C3orf85: variants seen among roughly 807,000 people sequenced by gnomAD.
C3orf85 encodes chromosome 3 open reading frame 85, also known as uncharacterized protein C3orf85.
Under a neutral mutation model 1.7 loss-of-function variants are expected in C3orf85, and 1 was observed. That is an observed-to-expected ratio of 0.60 (90% CI 0.21 to 2.86). C3orf85 has a LOEUF of 2.86. Ranked by LOEUF, C3orf85 falls within the 30% of genes most tolerant of loss-of-function variation. The pLI is 0.22. For synonymous variants in C3orf85, 17 were observed against 8.0 expected (o/e 2.13, Z -1.90); for missense variants, 29 against 21.3 (o/e 1.36, Z -0.72).
chr3:109,137,346 G>C (rs1706689164), intron 2 of C3orf85, among the ~76,000 whole-genome samples: 1 of 151,984 alleles, frequency 6.6e-6, no homozygotes. Flanking sequence ...AGGCACCAGA[G>C]GCCAGGCGAT....
intron 2 of C3orf85, among the ~76,000 whole-genome samples, chr3:109,139,987 T>C (rs1217160163): frequency 6.6e-6 from 1 of 152,230 alleles, no homozygotes; most frequent in Non-Finnish European, 1.5e-5. Flanking sequence ...CCTTTCTTTT[T>C]GCTTTCTTCT....
rs1177435880 is a variant in C3orf85 at position 109,151,369 on chromosome 3, T to C, written c.*1475T>C. 6.6e-6 allele frequency among the ~76,000 whole-genome samples: 1 copy of C among 152,180 alleles called. No homozygotes were observed. Among genetic ancestry groups the C allele is most frequent in the Non-Finnish European group, 1.5e-5 (1 of 68,040 alleles). On this transcript the variant is annotated 3_prime_UTR_variant, in exon 4 of 4. Coordinates refer to ENST00000622536, the MANE Select transcript of C3orf85 (RefSeq NM_001351622.2). ...TATAGAGATGCTCCTCAACATACGA[T>C]GGCGTTACATCCCAATAAACCCGTC...
intron 2 of C3orf85, among the ~76,000 whole-genome samples, 174 bp downstream of exon 2, chr3:109,137,070 C>CTCTGTG (rs149739044): frequency 6.7e-6 from 1 of 149,758 alleles, no homozygotes; most frequent in African/African-American, 2.5e-5. Context: ...TTAATGTTAA[C>CTCTGTG]TGTGTGTGTG....
intron 2 of C3orf85, among the ~76,000 whole-genome samples, chr3:109,144,439 T>TG (rs1287804996): frequency 6.6e-6 from 1 of 152,158 alleles, no homozygotes; most frequent in Non-Finnish European, 1.5e-5. Flanking sequence ...CTCTCATGGG[T>TG]GGTGTTATCA....
rs1454757148 is a variant in C3orf85 at position 109,150,737 on chromosome 3, CA to C, written c.*847del. Among the ~76,000 whole-genome samples, 1 of 152,126 alleles carries C rather than the reference CA, an allele frequency of 6.6e-6. No individual in the cohort carries two copies. Among genetic ancestry groups the C allele is most frequent in the Non-Finnish European group, 1.5e-5 (1 of 68,022 alleles). On this transcript the variant is annotated 3_prime_UTR_variant, in exon 4 of 4. Coordinates refer to ENST00000622536, the MANE Select transcript of C3orf85 (RefSeq NM_001351622.2). ...ACAACTAATTGCCAAGATTGCCCCC[CA>C]AAATCACAGGTAAATGGAATTTTTG...
intron 2 of C3orf85, among the ~76,000 whole-genome samples, chr3:109,140,860 T>C (rs1191840519): frequency 1.3e-5 from 2 of 152,228 alleles, no homozygotes; most frequent in African/African-American, 2.4e-5. Flanking sequence ...CCACTTCCTG[T>C]TTACTTTCCA....
At chr3:109,148,016 T>C (rs193171656) in intron 2 of C3orf85, among the ~76,000 whole-genome samples, 84 of 152,270 alleles carry the variant, frequency 5.5e-4, no homozygotes, top group Middle Eastern at 6.8e-3. Flanking sequence ...TCCTGCTCCA[T>C]CCACCACATA....
At chr3:109,142,087 CATGAGTATTTTA>C (rs1203081961) in intron 2 of C3orf85, among the ~76,000 whole-genome samples, 3 of 152,078 alleles carry the variant, frequency 2.0e-5, no homozygotes, top group African/African-American at 7.2e-5. Flanking sequence ...TGAACGTAAA[CATGAGTATTTTA>C]GTCTCTCACT....
At chr3:109,146,554 G>A (rs1706801161) in intron 2 of C3orf85, among the ~76,000 whole-genome samples, 1 of 152,150 alleles carries the variant, frequency 6.6e-6, no homozygotes, top group African/African-American at 2.4e-5. Context: ...AGGCTTGACT[G>A]GAGCAAAAAC....
chr3:109,147,923 C>A (rs1245900245), intron 2 of C3orf85, among the ~76,000 whole-genome samples: 1 of 152,186 alleles, frequency 6.6e-6, no homozygotes. Flanking sequence ...GCGAAGAAAT[C>A]AAGCAACTTT....
At chr3:109,142,943 G>A (rs1380282676) in intron 2 of C3orf85, among the ~76,000 whole-genome samples, 1 of 152,154 alleles carries the variant, frequency 6.6e-6, no homozygotes, top group Non-Finnish European at 1.5e-5. Context: ...CTGATGACTG[G>A]ACCCCCAAAT....
chr3:109,148,096 C>A (rs1456307677), intron 2 of C3orf85, among the ~76,000 whole-genome samples, 157 bp from the exon 3 acceptor site: 3 of 152,106 alleles, frequency 2.0e-5, no homozygotes, highest in Non-Finnish European at 4.4e-5. Flanking sequence ...GACAAAGGGC[C>A]AAGGAGTAGC....
chr3:109,149,610 C>T (rs1576776588), intron 3 of C3orf85, 195 bp from the exon 4 acceptor site: 1 of 347,978 alleles, frequency 2.9e-6, no homozygotes, highest in South Asian at 1.5e-4. Flanking sequence ...TACTGTGGCC[C>T]CACAAATACT....
intron 2 of C3orf85, among the ~76,000 whole-genome samples, chr3:109,137,473 G>C (rs998288069): frequency 1.3e-5 from 2 of 151,316 alleles, no homozygotes; most frequent in African/African-American, 4.9e-5. Flanking sequence ...TTATCTTCAT[G>C]GTTAAATCTC....
chr3:109,146,510 G>A (rs1378856869), intron 2 of C3orf85, among the ~76,000 whole-genome samples: 1 of 152,108 alleles, frequency 6.6e-6, no homozygotes, highest in South Asian at 2.1e-4. Context: ...ATGACGATGC[G>A]GTAAAGATGT....
chr3:109,138,766 T>G (rs1706707126), intron 2 of C3orf85, among the ~76,000 whole-genome samples: 1 of 152,178 alleles, frequency 6.6e-6, no homozygotes, highest in African/African-American at 2.4e-5. Context: ...ATTGATTATT[T>G]TCAAAACAGT....
chr3:109,150,241 ATTGCCTC>A lies in C3orf85; in HGVS notation c.*350_*356del, dbSNP rs1211929381. On this transcript the variant is annotated 3_prime_UTR_variant, in exon 4 of 4. Transcript: ENST00000622536. ...ACTCTGTTCATAGCTTTTACTCTCTATTGCCTCTTCTTTGAGAGAGTTTTTTAATTCA... is the reference window on the plus strand; with the variant it reads ...ACTCTGTTCATAGCTTTTACTCTCTATTCTTTGAGAGAGTTTTTTAATTCA... The A allele has an allele frequency of 6.3e-6, 1 of 158,342 alleles. No individual in the cohort carries two copies. The highest frequency in any genetic ancestry group is 1.4e-5 in the Non-Finnish European group (1 of 72,278). 9.8% of individuals were successfully genotyped at this position (158,342 alleles called of 1,614,324 possible).
At chr3:109,148,137 T>C (rs2107836982) in intron 2 of C3orf85, 116 bp from the exon 3 acceptor site, 1 of 606,234 alleles carries the variant, frequency 1.6e-6, no homozygotes, top group South Asian at 2.0e-5. Flanking sequence ...TTTTCCAGAG[T>C]TTCCTCCTCA....
intron 2 of C3orf85, among the ~76,000 whole-genome samples, chr3:109,142,646 C>T (rs1044774442): frequency 2.6e-5 from 4 of 151,594 alleles, no homozygotes; most frequent in Non-Finnish European, 4.4e-5. Context: ...GGAAATAATT[C>T]GGTTGTGCCT....
Sources: gnomAD v4.1 joint callset for allele counts (sites outside exome capture counted in the v4.1 genomes callset) on GRCh38, gnomAD v4.1.1 for gene constraint, MANE v1.5 for transcripts, NCBI Gene and HGNC (gene_info 2026-07-23, HGNC 2026-07-21) for gene names.